Variants in EDA observed in about 807,000 individuals in gnomAD.
EDA encodes ectodysplasin A.
A neutral mutation model predicts 23.6 loss-of-function variants in EDA; 2 were observed. The observed-to-expected ratio is 0.08, with a 90% confidence interval of 0.03 to 0.27. EDA has a LOEUF of 0.27. EDA is among the 10% of genes least tolerant of loss of function. The pLI is 1.00. For synonymous variants in EDA, 131 were observed against 132.0 expected (o/e 0.99, Z 0.05); for missense variants, 229 against 324.2 (o/e 0.71, Z 2.26).
intron 1 of EDA, among the ~76,000 whole-genome samples, chrX:69,659,524 C>G (rs191662756): frequency 3.8e-4 from 43 of 111,884 alleles, no homozygotes; most frequent in African/African-American, 1.2e-3. Flanking sequence ...AATCTATAAT[C>G]ATTTTAAGTA....
intron 1 of EDA, among the ~76,000 whole-genome samples, chrX:69,829,019 T>C (rs1470602243): frequency 8.9e-6 from 1 of 112,484 alleles, no homozygotes; most frequent in African/African-American, 3.2e-5. Context: ...ATAGTCCACT[T>C]ATGCCCCTTC....
intron 1 of EDA, among the ~76,000 whole-genome samples, chrX:69,707,204 CAGAG>C (rs1401083462): frequency 8.9e-6 from 1 of 112,098 alleles, no homozygotes; most frequent in African/African-American, 3.2e-5. Context: ...GTACAGAAAA[CAGAG>C]AGAACTAATT....
intron 2 of EDA, among the ~76,000 whole-genome samples, chrX:70,014,161 C>T (rs2019914581): frequency 2.7e-5 from 3 of 112,118 alleles, no homozygotes; most frequent in Non-Finnish European, 3.8e-5. Flanking sequence ...ACAGCCAGCA[C>T]TCATGTAGGA....
intron 1 of EDA, among the ~76,000 whole-genome samples, chrX:69,877,762 A>C (rs1435333362): frequency 7.2e-5 from 8 of 111,688 alleles, no homozygotes; most frequent in Non-Finnish European, 1.5e-4. Flanking sequence ...GGTTACAGAG[A>C]TTTTCTCTTA....
intron 1 of EDA, among the ~76,000 whole-genome samples, chrX:69,639,540 G>A (rs1291996157): frequency 9.0e-6 from 1 of 111,696 alleles, no homozygotes; most frequent in Admixed American, 9.5e-5. Context: ...CTTTCCATAT[G>A]CTTATTGGTT....
chrX:69,653,829 C>A (rs1933190501), intron 1 of EDA, among the ~76,000 whole-genome samples: 1 of 111,697 alleles, frequency 9.0e-6, no homozygotes, highest in Non-Finnish European at 1.9e-5. Flanking sequence ...AAATGTTAGA[C>A]CTAAAACCAT....
intron 1 of EDA, among the ~76,000 whole-genome samples, chrX:69,897,515 T>C (rs2018035744): frequency 8.9e-6 from 1 of 112,272 alleles, no homozygotes; most frequent in African/African-American, 3.2e-5. Flanking sequence ...GTTTTACTTT[T>C]ACTTAAACTA....
chrX:70,034,834 C>T (rs910719381), intron 7 of EDA, among the ~76,000 whole-genome samples: 2 of 111,522 alleles, frequency 1.8e-5, no homozygotes, highest in African/African-American at 6.5e-5. Context: ...GAGTCCAGGC[C>T]CAGGGGAGGG....
chrX:69,693,195 A>G (rs1934762488), intron 1 of EDA: 1 of 111,172 alleles, frequency 9.0e-6, no homozygotes, highest in Non-Finnish European at 1.9e-5. Context: ...TGAGCAAAGA[A>G]CTATTCATGA....
intron 1 of EDA, among the ~76,000 whole-genome samples, chrX:69,705,232 AAAAAAAAG>A (rs2011668188): frequency 9.5e-6 from 1 of 104,832 alleles, no homozygotes; most frequent in Non-Finnish European, 2.0e-5. Flanking sequence ...TCAAAAAAAA[AAAAAAAAG>A]AAAGAAAGAA....
chrX:70,035,144 G>T (rs1418632376), intron 7 of EDA, among the ~76,000 whole-genome samples: 2 of 111,805 alleles, frequency 1.8e-5, no homozygotes, highest in Non-Finnish European at 3.8e-5. Context: ...AGAAAAGTTT[G>T]CTCAGCCAGC....
rs772183705 is a variant in EDA, at chrX:69,748,877, T to C, written c.396+132173T>C. 2.7e-5 allele frequency among the ~76,000 whole-genome samples: 3 copies of C among 111,989 alleles called. No homozygotes were observed. In the South Asian group the frequency reaches 1.1e-3, roughly 42 times the overall value. Reference sequence around the variant, plus strand: ...TCAGTGTTTGTTAAATAAGATAAAATGAATAAGCATTTGAATAGGAGGCAA... The same window carrying C: ...TCAGTGTTTGTTAAATAAGATAAAACGAATAAGCATTTGAATAGGAGGCAA... On this transcript the variant is annotated intron_variant, in intron 1 of 7. Transcript: ENST00000374552.
intron 2 of EDA, among the ~76,000 whole-genome samples, chrX:69,969,849 A>G (rs2019224421): frequency 9.0e-6 from 1 of 111,728 alleles, no homozygotes; most frequent in African/African-American, 3.2e-5. Flanking sequence ...TCACACCTGT[A>G]TTCCCAGTAC....
chrX:69,926,225 T>TCTAGC (rs1340734647), intron 1 of EDA, among the ~76,000 whole-genome samples: 1 of 111,005 alleles, frequency 9.0e-6, no homozygotes, highest in Non-Finnish European at 1.9e-5. Flanking sequence ...CTCTTGCCTC[T>TCTAGC]CTAGCTCTTT....
chrX:69,617,463 G>A lies in EDA; in HGVS notation c.396+759G>A, dbSNP rs541036377. Among the ~76,000 whole-genome samples, 18 of 111,114 alleles carry A rather than the reference G, an allele frequency of 1.6e-4. No homozygotes were observed. The South Asian group carries it at 6.9e-3, about 43-fold the overall frequency. ...CTTTTACTACTGTTAGCTTGAGAACGGGAATCTGCCAATGGAATAATTACT... is the reference window on the plus strand; with the variant it reads ...CTTTTACTACTGTTAGCTTGAGAACAGGAATCTGCCAATGGAATAATTACT... On this transcript the variant is annotated intron_variant, in intron 1 of 7. Transcript: ENST00000374552.
At chrX:69,693,706 A>G (rs2147300962) in intron 1 of EDA, among the ~76,000 whole-genome samples, 1 of 112,255 alleles carries the variant, frequency 8.9e-6, no homozygotes, top group Admixed American at 9.5e-5. Flanking sequence ...CATTGTATTC[A>G]TGACACCTTA....
intron 1 of EDA, among the ~76,000 whole-genome samples, chrX:69,649,147 C>T (rs1933020411): frequency 8.9e-6 from 1 of 112,342 alleles, no homozygotes. Flanking sequence ...TCACTCACCC[C>T]TTTCATTCCT....
chrX:69,663,630 G>A (rs1933587049), intron 1 of EDA, among the ~76,000 whole-genome samples: 1 of 112,424 alleles, frequency 8.9e-6, no homozygotes, highest in Admixed American at 9.4e-5. Context: ...CTGGGGCACT[G>A]CCTGGTGGAG....
intron 1 of EDA, among the ~76,000 whole-genome samples, chrX:69,951,880 C>T (rs1354566161): frequency 9.0e-6 from 1 of 111,703 alleles, no homozygotes; most frequent in African/African-American, 3.2e-5. Flanking sequence ...AGATTTTTTT[C>T]CCCCTTGAGC....
Sources: gnomAD v4.1 joint callset for allele counts (sites outside exome capture counted in the v4.1 genomes callset) on GRCh38, gnomAD v4.1.1 for gene constraint, MANE v1.5 for transcripts, NCBI Gene and HGNC (gene_info 2026-07-23, HGNC 2026-07-21) for gene names.